The following GMDS variants were observed in gnomAD, a reference collection of about 807,000 sequenced individuals.
GMDS encodes GDP-mannose 4,6-dehydratase.
GMDS carries 20 observed loss-of-function variants against 49.9 expected under a neutral mutation model. The ratio of observed to expected loss-of-function variants is 0.40; its 90% confidence interval spans 0.28 to 0.58. The LOEUF (loss-of-function observed/expected upper bound fraction) is 0.58, where lower values mean the gene tolerates loss of function less well. Among genes scored for constraint, GMDS ranks in the 20% least tolerant of loss-of-function variants. The probability of loss-of-function intolerance (pLI) is 0.42; values close to 1 mark genes in which losing one functional copy is unlikely to be tolerated. For missense variants in GMDS, 362 were observed against 481.4 expected, an observed-to-expected ratio of 0.75 and a Z score of 2.32; for synonymous variants, 177 against 178.6, an observed-to-expected ratio of 0.99 and a Z score of 0.07.
chr6:2,095,440 T>C lies in GMDS; in HGVS notation c.345+20331A>G, dbSNP rs544145508. 2.6e-4 allele frequency among the ~76,000 whole-genome samples: 40 copies of C among 152,318 alleles called. No homozygotes were observed. The South Asian group carries it at 3.3e-3, about 13-fold the overall frequency. On this transcript the variant is annotated intron_variant, in intron 4 of 10. Transcript: ENST00000380815. ...TTCATTTTGCTATTTGTTTTAGACA[T>C]ATACACAAGAGTAAAATGATACAAA... is the stretch of plus-strand genomic sequence containing the variant.
At chr6:1,747,975 C>G (rs75356671) in intron 7 of GMDS, among the ~76,000 whole-genome samples, 1,632 of 152,140 alleles carry the variant, frequency 0.011, 23 homozygotes, top group African/African-American at 0.037. Context: ...ATCAAAGGAC[C>G]AAAAATAAAA....
chr6:2,008,116 T>C (rs1767313295), intron 4 of GMDS, among the ~76,000 whole-genome samples: 1 of 152,208 alleles, frequency 6.6e-6, no homozygotes, highest in Non-Finnish European at 1.5e-5. Context: ...TTATAGTCTA[T>C]TTACATTCAA....
chr6:1,706,966 G>A (rs371020947), intron 9 of GMDS, among the ~76,000 whole-genome samples: 1 of 152,142 alleles, frequency 6.6e-6, no homozygotes, highest in Non-Finnish European at 1.5e-5. Flanking sequence ...CAGTATTTTC[G>A]GGAAGGCAAG....
chr6:1,634,718 G>A (rs564736153), intron 9 of GMDS, among the ~76,000 whole-genome samples: 10 of 152,294 alleles, frequency 6.6e-5, no homozygotes, highest in African/African-American at 2.4e-4. Context: ...GCCTGCAGAT[G>A]CTGCCTGTGG....
At chr6:1,773,874 T>C (rs1768682126) in intron 7 of GMDS, among the ~76,000 whole-genome samples, 1 of 152,250 alleles carries the variant, frequency 6.6e-6, no homozygotes, top group Non-Finnish European at 1.5e-5. Context: ...TAACAGTTTA[T>C]GAGTATCTCA....
chr6:2,243,518 G>A (rs1165793192), intron 1 of GMDS, among the ~76,000 whole-genome samples: 1 of 152,074 alleles, frequency 6.6e-6, no homozygotes, highest in East Asian at 1.9e-4. Flanking sequence ...TGAGCTTCAG[G>A]TCCAGTCTGA....
intron 4 of GMDS, among the ~76,000 whole-genome samples, chr6:1,990,147 T>A (rs1190476689): frequency 6.6e-6 from 1 of 152,106 alleles, no homozygotes; most frequent in Non-Finnish European, 1.5e-5. Flanking sequence ...ATATAAAAAA[T>A]TAGCCAGGCA....
rs200321956 is a variant in GMDS, at chr6:1,888,119, T to TTTA, written c.771+41981_771+41983dup. Among the ~76,000 whole-genome samples the TTTA allele has an allele frequency of 1.6e-3, 230 of 140,454 alleles. 2 individuals are homozygous for TTTA. Among genetic ancestry groups the TTTA allele is most frequent in the African/African-American group, 3.3e-3 (133 of 39,784 alleles). The allele number at this position is 140,454 out of a possible 152,430, so 92.1% of individuals were successfully genotyped here. On this transcript the variant is annotated intron_variant, in intron 7 of 10. Transcript: ENST00000380815. ...ATGTGCCACCATTCCTGGCTATTTT[T>TTTA]TTATTATTATTATTATTTTTTTTTT...
intron 9 of GMDS, among the ~76,000 whole-genome samples, chr6:1,680,993 G>A (rs1044918108): frequency 7.2e-5 from 11 of 152,082 alleles, no homozygotes; most frequent in East Asian, 1.9e-4. Flanking sequence ...TTGCCTCCTC[G>A]GCAGGGAGGA....
chr6:2,185,831 T>A (rs1020638952), intron 1 of GMDS, among the ~76,000 whole-genome samples: 18 of 152,196 alleles, frequency 1.2e-4, no homozygotes, highest in Non-Finnish European at 2.6e-4. Context: ...GTAGTAAGGC[T>A]GGGGCTGCAC....
chr6:1,948,170 G>A (rs1281771983), intron 6 of GMDS, among the ~76,000 whole-genome samples: 1 of 152,172 alleles, frequency 6.6e-6, no homozygotes, highest in Non-Finnish European at 1.5e-5. Flanking sequence ...GTTCTAGTAT[G>A]TAGTAGAACC....
At chr6:1,805,451 T>A (rs553217611) in intron 7 of GMDS, among the ~76,000 whole-genome samples, 8 of 152,182 alleles carry the variant, frequency 5.3e-5, no homozygotes, top group Non-Finnish European at 1.0e-4. Context: ...GGGCAGCAGT[T>A]CCCAAAGTAT....
intron 4 of GMDS, among the ~76,000 whole-genome samples, chr6:2,032,653 T>C (rs7759455): frequency 0.28 from 42,136 of 151,926 alleles, 5,855 homozygotes; most frequent in South Asian, 0.3. Flanking sequence ...AGAAAGCTTA[T>C]GAAAATATAG....
chr6:1,918,837 T>C (rs758016711), intron 7 of GMDS, among the ~76,000 whole-genome samples: 18 of 151,978 alleles, frequency 1.2e-4, no homozygotes, highest in Non-Finnish European at 2.2e-4. Context: ...AACTGGCCAC[T>C]GTGTGAGAAC....
intron 7 of GMDS, among the ~76,000 whole-genome samples, chr6:1,776,140 A>G (rs1485282585): frequency 1.3e-5 from 2 of 152,122 alleles, no homozygotes; most frequent in Admixed American, 1.3e-4. Flanking sequence ...CAGAATCCGG[A>G]GTTGACTATA....
At chr6:2,151,416 T>A (rs1479878683) in intron 1 of GMDS, among the ~76,000 whole-genome samples, 1 of 152,074 alleles carries the variant, frequency 6.6e-6, no homozygotes, top group African/African-American at 2.4e-5. Context: ...TAAATATGAA[T>A]TGGAGTGAAT....
chr6:2,003,977 T>A (rs1766993518), intron 4 of GMDS, among the ~76,000 whole-genome samples: 1 of 152,216 alleles, frequency 6.6e-6, no homozygotes, highest in Admixed American at 6.5e-5. Flanking sequence ...ATTGATATCA[T>A]GTTCACATAG....
chr6:2,131,591 G>A (rs1225104976), intron 1 of GMDS, among the ~76,000 whole-genome samples: 2 of 152,106 alleles, frequency 1.3e-5, no homozygotes, highest in African/African-American at 4.8e-5. Flanking sequence ...AATCAAAAAT[G>A]TACTTTTGAT....
chr6:1,749,924 T>C (rs940591812), intron 7 of GMDS, among the ~76,000 whole-genome samples: 2 of 152,192 alleles, frequency 1.3e-5, no homozygotes, highest in Admixed American at 1.3e-4. Flanking sequence ...CTTGAACTCC[T>C]GGACTCAAGT....
Sources: allele counts gnomAD v4.1 joint callset (sites outside exome capture counted in the v4.1 genomes callset), GRCh38; gene constraint gnomAD v4.1.1; transcripts MANE v1.5; gene names NCBI Gene and HGNC (gene_info 2026-07-23, HGNC 2026-07-21).